Variants in SOAT1 observed in about 807,000 individuals in gnomAD.
SOAT1 encodes acyl-coenzyme A:cholesterol acyltransferase 1.
SOAT1 carries 55 observed loss-of-function variants against 69.5 expected under a neutral mutation model. The observed-to-expected ratio is 0.79, with a 90% CI of 0.64 to 0.99. SOAT1 has a LOEUF of 0.99. Ranked by LOEUF, SOAT1 falls within the 50% of genes least tolerant of loss-of-function variation. The pLI, the probability that SOAT1 is intolerant of heterozygous loss-of-function variation, is 0.00. For missense variants in SOAT1, 580 were observed against 669.3 expected, an observed-to-expected ratio of 0.87 and a Z score of 1.47; for synonymous variants, 231 against 224.7, an observed-to-expected ratio of 1.03 and a Z score of -0.25.
intron 2 of SOAT1, among the ~76,000 whole-genome samples, chr1:179,308,648 G>T (rs1482956270): frequency 2.7e-5 from 4 of 149,070 alleles, no homozygotes; most frequent in African/African-American, 9.9e-5. Flanking sequence ...CTCTAGCCTG[G>T]GTGACAGAGT....
intron 14 of SOAT1, among the ~76,000 whole-genome samples, chr1:179,350,634 G>A (rs1338536905): frequency 6.6e-6 from 1 of 152,168 alleles, no homozygotes; most frequent in African/African-American, 2.4e-5. Context: ...TTGAAGTAGG[G>A]AAATGAACTA....
chr1:179,337,917 T>C (rs1281464783), intron 5 of SOAT1, 21 bp downstream of exon 5: 1 of 1,535,888 alleles, frequency 6.5e-7, no homozygotes, highest in Non-Finnish European at 8.9e-7. Flanking sequence ...TTAGTTGTTT[T>C]TAAATATGTT....
intron 3 of SOAT1, 143 bp downstream of exon 3, chr1:179,323,638 T>C: frequency 2.9e-6 from 2 of 696,612 alleles, no homozygotes; most frequent in Non-Finnish European, 2.4e-6. Context: ...GAAAATAAGA[T>C]CTGCTGACTT....
At chr1:179,298,541 A>G (rs1664729776) in intron 1 of SOAT1, among the ~76,000 whole-genome samples, 1 of 151,314 alleles carries the variant, frequency 6.6e-6, no homozygotes, top group South Asian at 2.1e-4. Flanking sequence ...ACCTGTGCTC[A>G]CTGCAACCTT....
At chr1:179,351,017 C>CTTTTTTTTTTTTTTTTT (rs1558060562) in intron 14 of SOAT1, among the ~76,000 whole-genome samples, 1 of 13,954 alleles carries the variant, frequency 7.2e-5, no homozygotes, top group African/African-American at 3.1e-4. Context: ...CTGTATATTT[C>CTTTTTTTTTTTTTTTTT]TTTCTTTTTT....
chr1:179,345,170 C>T (rs1483019124), intron 11 of SOAT1, 94 bp downstream of exon 11: 30 of 1,248,346 alleles, frequency 2.4e-5, no homozygotes, highest in Non-Finnish European at 3.3e-5. Flanking sequence ...CCTACTTTTT[C>T]ATCTAAACTT....
chr1:179,298,130 A>AT (rs1553242113), intron 1 of SOAT1, among the ~76,000 whole-genome samples: 1 of 151,862 alleles, frequency 6.6e-6, no homozygotes, highest in African/African-American at 2.4e-5. Context: ...ACTTGATCTA[A>AT]CTTGAGTGCA....
chr1:179,294,660 T>A (rs1473271591), intron 1 of SOAT1, among the ~76,000 whole-genome samples: 2 of 152,136 alleles, frequency 1.3e-5, no homozygotes, highest in Non-Finnish European at 2.9e-5. Context: ...GCCTCCTGAG[T>A]AGCTGGGATT....
At chr1:179,341,961 G>A (rs115689795) in intron 7 of SOAT1, 153 bp from the exon 8 acceptor site, 7,869 of 583,770 alleles carry the variant, frequency 0.013, 64 homozygotes, top group Admixed American at 0.018. Context: ...GTTTTGTCAT[G>A]TAACTATATA....
chr1:179,305,816 A>G (rs544288162), intron 2 of SOAT1, among the ~76,000 whole-genome samples: 19 of 152,340 alleles, frequency 1.2e-4, no homozygotes, highest in African/African-American at 4.3e-4. Context: ...TTTGATCTAA[A>G]TGTAAGATAG....
intron 15 of SOAT1, among the ~76,000 whole-genome samples, chr1:179,353,209 A>ATATATATATATTTT (rs1553248878): frequency 1.8e-5 from 1 of 55,508 alleles, no homozygotes; most frequent in South Asian, 4.1e-4. Context: ...TTATATATAA[A>ATATATATATATTTT]TATATATATA....
Position 179,347,590 on chromosome 1 carries a change from T to A in SOAT1, c.1118-10T>A. On this transcript the variant is annotated splice_polypyrimidine_tract_variant and intron_variant, in intron 11 of 15. Coordinates refer to ENST00000367619, the MANE Select transcript of SOAT1 (RefSeq NM_003101.6). ...GGAAAGACTGTTAATATTGTTAATC[T>A]TATTTTTAGGTGTGCTGATTCTCTT... 1 of 1,560,338 alleles carries A rather than the reference T, an allele frequency of 6.4e-7. No individual in the cohort carries two copies. Among genetic ancestry groups the A allele is most frequent in the Non-Finnish European group, 8.8e-7 (1 of 1,133,278 alleles).
intron 6 of SOAT1, among the ~76,000 whole-genome samples, chr1:179,340,418 G>A (rs1666293233): frequency 6.6e-6 from 1 of 152,104 alleles, no homozygotes; most frequent in Non-Finnish European, 1.5e-5. Flanking sequence ...GGAGGTTGAG[G>A]CTGCAGTGGA....
At chr1:179,341,609 A>G (rs1269758160) in intron 7 of SOAT1, among the ~76,000 whole-genome samples, 1 of 148,576 alleles carries the variant, frequency 6.7e-6, no homozygotes, top group Non-Finnish European at 1.5e-5. Context: ...ATCTCGGCTC[A>G]CTGCAACCCC....
intron 5 of SOAT1, among the ~76,000 whole-genome samples, chr1:179,338,203 A>T (rs1376634025): frequency 6.6e-6 from 1 of 152,234 alleles, no homozygotes; most frequent in Admixed American, 6.5e-5. Context: ...AGTTTGGGCA[A>T]CACGGCAAGT....
intron 6 of SOAT1, among the ~76,000 whole-genome samples, chr1:179,340,705 T>C (rs143100679): frequency 6.6e-5 from 10 of 152,234 alleles, no homozygotes; most frequent in African/African-American, 2.4e-4. Flanking sequence ...AAAATTAATG[T>C]GAGAATCTAA....
chr1:179,328,616 G>C (rs1210542522), intron 3 of SOAT1, among the ~76,000 whole-genome samples: 3 of 152,108 alleles, frequency 2.0e-5, no homozygotes, highest in African/African-American at 7.2e-5. Flanking sequence ...TGTTAAGAAG[G>C]GCAAAGGGAA....
At chr1:179,314,736 T>G (rs1189831261) in intron 2 of SOAT1, among the ~76,000 whole-genome samples, 1 of 151,820 alleles carries the variant, frequency 6.6e-6, no homozygotes, top group East Asian at 1.9e-4. Context: ...GAGTCTGGTG[T>G]TTTTTTTAGG....
chr1:179,312,146 G>C (rs1665239458), intron 2 of SOAT1, among the ~76,000 whole-genome samples: 1 of 152,214 alleles, frequency 6.6e-6, no homozygotes, highest in Non-Finnish European at 1.5e-5. Flanking sequence ...AATTCATCAA[G>C]AGGCAGAGAC....
Sources: allele counts gnomAD v4.1 joint callset (sites outside exome capture counted in the v4.1 genomes callset), GRCh38; gene constraint gnomAD v4.1.1; transcripts MANE v1.5; gene names NCBI Gene and HGNC (gene_info 2026-07-23, HGNC 2026-07-21).